Variants in PRICKLE1 observed in about 807,000 individuals in gnomAD.
The protein encoded by PRICKLE1 is prickle planar cell polarity protein 1.
A neutral mutation model predicts 70.2 loss-of-function variants in PRICKLE1; 14 were observed. The ratio of observed to expected loss-of-function variants is 0.20; its 90% CI spans 0.13 to 0.31. PRICKLE1 has a LOEUF of 0.31. PRICKLE1 is among the 10% of genes least tolerant of loss of function. PRICKLE1 has a pLI of 1.00. For missense variants in PRICKLE1, 821 were observed against 1,026.2 expected, an observed-to-expected ratio of 0.80 and a Z score of 2.73; for synonymous variants, 357 against 379.9, an observed-to-expected ratio of 0.94 and a Z score of 0.70.
intron 1 of PRICKLE1, among the ~76,000 whole-genome samples, chr12:42,477,524 ATATATATATG>A (rs1350578218): frequency 1.3e-5 from 1 of 74,476 alleles, no homozygotes; most frequent in African/African-American, 4.9e-5. Context: ...ATATATATAT[ATATATATATG>A]ACCTCACAAA....
intron 1 of PRICKLE1, among the ~76,000 whole-genome samples, chr12:42,503,423 G>A (rs1939351760): frequency 6.6e-6 from 1 of 152,022 alleles, no homozygotes; most frequent in South Asian, 2.1e-4. Flanking sequence ...TTGCAGTGCT[G>A]GGTAGTAAAG....
chr12:42,506,607 ACT>A (rs1291116440), intron 1 of PRICKLE1, among the ~76,000 whole-genome samples: 2 of 87,310 alleles, frequency 2.3e-5, no homozygotes, highest in African/African-American at 9.7e-5. Flanking sequence ...AGACAGTCTC[ACT>A]CTGTCGCCCA....
chr12:42,563,545 T>C (rs866473138), intron 1 of PRICKLE1, among the ~76,000 whole-genome samples: 3 of 148,006 alleles, frequency 2.0e-5, no homozygotes, highest in South Asian at 4.3e-4. Flanking sequence ...TAAAAAAAAA[T>C]ACAAAAAATT....
At chr12:42,487,412 T>A (rs931260777) in intron 1 of PRICKLE1, among the ~76,000 whole-genome samples, 17 of 152,208 alleles carry the variant, frequency 1.1e-4, no homozygotes, top group African/African-American at 4.1e-4. Flanking sequence ...CTTTCCCCTT[T>A]GATTATATTT....
chr12:42,468,716 G>A lies in PRICKLE1; in HGVS notation c.498C>T (p.Val166=). ...CATCCTGATAAAAATAGATGAGGTC[G>A]ACCAGCAGCTCATTACACGTGAAAC... ...FVCFTCNELL[V]DLIYFYQDGK... Residue 166 remains valine, a synonymous_variant, in exon 5 of 8, where the codon GTC becomes GTT. Coordinates refer to ENST00000345127, the MANE Select transcript of PRICKLE1 (RefSeq NM_153026.3). 1.9e-6 allele frequency: 3 copies of A among 1,614,078 alleles called. No individual in the cohort carries two copies. The highest frequency in any genetic ancestry group is 4.5e-5 in the East Asian group (2 of 44,886).
At chr12:42,519,336 A>G (rs1939667964) in intron 1 of PRICKLE1, among the ~76,000 whole-genome samples, 1 of 151,642 alleles carries the variant, frequency 6.6e-6, no homozygotes, top group Admixed American at 6.6e-5. Flanking sequence ...AGCTGGGATA[A>G]TAGATGTGTG....
chr12:42,501,390 G>A (rs1939303691), intron 1 of PRICKLE1, among the ~76,000 whole-genome samples: 1 of 151,276 alleles, frequency 6.6e-6, no homozygotes, highest in Non-Finnish European at 1.5e-5. Flanking sequence ...CGTGCCTGTA[G>A]TCCCAGCTAC....
At chr12:42,520,979 T>C (rs1478659910) in intron 1 of PRICKLE1, among the ~76,000 whole-genome samples, 1 of 152,180 alleles carries the variant, frequency 6.6e-6, no homozygotes, top group Non-Finnish European at 1.5e-5. Context: ...GAGATCAGCC[T>C]GGCCAACATG....
chr12:42,465,571 C>T, intron 6 of PRICKLE1: 1 of 371,106 alleles, frequency 2.7e-6, no homozygotes, highest in Non-Finnish European at 4.9e-6. Flanking sequence ...TTTCAGCTCT[C>T]ATACTGTAGA....
intron 1 of PRICKLE1, among the ~76,000 whole-genome samples, chr12:42,477,449 T>C (rs1938595825): frequency 2.0e-5 from 3 of 147,782 alleles, no homozygotes; most frequent in South Asian, 4.3e-4. Context: ...TGTGTATATA[T>C]GTATATACGT....
intron 1 of PRICKLE1, among the ~76,000 whole-genome samples, chr12:42,503,455 C>T (rs1046724280): frequency 6.6e-6 from 1 of 151,968 alleles, no homozygotes; most frequent in Non-Finnish European, 1.5e-5. Context: ...CACTAAAATC[C>T]CCGGAATTTT....
At chr12:42,490,501 T>C (rs558128155) in intron 1 of PRICKLE1, among the ~76,000 whole-genome samples, 1 of 152,182 alleles carries the variant, frequency 6.6e-6, no homozygotes, top group South Asian at 2.1e-4. Context: ...AGTGACATGG[T>C]CGTATTTATG....
chr12:42,530,160 T>A (rs2120538459), intron 1 of PRICKLE1, among the ~76,000 whole-genome samples: 1 of 152,210 alleles, frequency 6.6e-6, no homozygotes, highest in East Asian at 1.9e-4. Context: ...GCCAGGTTGG[T>A]CTTGAACTCC....
intron 1 of PRICKLE1, among the ~76,000 whole-genome samples, chr12:42,478,553 G>A (rs189414754): frequency 6.6e-6 from 1 of 152,276 alleles, no homozygotes; most frequent in East Asian, 1.9e-4. Flanking sequence ...AGGAACTGCT[G>A]TTAGAACTTA....
intron 1 of PRICKLE1, among the ~76,000 whole-genome samples, chr12:42,550,800 AT>A (rs1940301701): frequency 6.6e-6 from 1 of 152,224 alleles, no homozygotes; most frequent in African/African-American, 2.4e-5. Flanking sequence ...AAGCCCATCT[AT>A]AAAGGAGGAG....
chr12:42,563,182 C>CAA (rs879583629), intron 1 of PRICKLE1, among the ~76,000 whole-genome samples: 1 of 144,188 alleles, frequency 6.9e-6, no homozygotes. Context: ...GACTCTGTCT[C>CAA]AAAAAAAAAA....
chr12:42,567,949 C>T (rs1004362603), intron 1 of PRICKLE1, among the ~76,000 whole-genome samples: 2 of 152,104 alleles, frequency 1.3e-5, no homozygotes, highest in Non-Finnish European at 1.5e-5. Flanking sequence ...CCTTCACAAT[C>T]CAATATTTGT....
chr12:42,528,730 A>C, intron 1 of PRICKLE1, among the ~76,000 whole-genome samples: 1 of 152,218 alleles, frequency 6.6e-6, no homozygotes, highest in East Asian at 1.9e-4. Context: ...GTGAGACTCC[A>C]CTGGATATCC....
intron 1 of PRICKLE1, among the ~76,000 whole-genome samples, chr12:42,554,239 G>A (rs1940374864): frequency 6.6e-6 from 1 of 152,208 alleles, no homozygotes; most frequent in African/African-American, 2.4e-5. Flanking sequence ...GTTTATTGTT[G>A]TGAAGATTAA....
Sources: gnomAD v4.1 joint callset for allele counts (sites outside exome capture counted in the v4.1 genomes callset) on GRCh38, gnomAD v4.1.1 for gene constraint, MANE v1.5 for transcripts, NCBI Gene and HGNC (gene_info 2026-07-23, HGNC 2026-07-21) for gene names.